The following KCNH1 variants were observed in gnomAD, a reference collection of about 807,000 sequenced individuals.
KCNH1 encodes the protein voltage-gated delayed rectifier potassium channel KCNH1.
In KCNH1, 27 loss-of-function variants were observed where a neutral mutation model predicts 69.2. The ratio of observed to expected loss-of-function variants is 0.39; its 90% CI spans 0.29 to 0.54. The LOEUF (loss-of-function observed/expected upper bound fraction) is 0.54, where lower values mean the gene tolerates loss of function less well. Ranked by LOEUF, KCNH1 falls within the 20% of genes least tolerant of loss-of-function variation. The pLI, the probability that KCNH1 is intolerant of heterozygous loss-of-function variation, is 0.68. For synonymous variants in KCNH1, 456 were observed against 487.7 expected (o/e 0.93, Z 0.86); for missense variants, 798 against 1,261.6 (o/e 0.63, Z 5.57).
At chr1:211,004,439 A>T (rs1689241785) in intron 6 of KCNH1, among the ~76,000 whole-genome samples, 2 of 152,202 alleles carry the variant, frequency 1.3e-5, no homozygotes, top group Non-Finnish European at 2.9e-5. Flanking sequence ...AAATCCTTGC[A>T]ATATCTAGGA....
chr1:211,003,710 T>C lies in KCNH1; in HGVS notation c.1032+15073A>G, dbSNP rs564878353. On this transcript the variant is annotated intron_variant, in intron 6 of 10. Coordinates refer to ENST00000271751, the MANE Select transcript of KCNH1 (RefSeq NM_172362.3). ...TCTTAAAAGCACCAGAGAAAAAGAATTCCTACGATGGACAACAATTAAACT... is the reference window on the plus strand; with the variant it reads ...TCTTAAAAGCACCAGAGAAAAAGAACTCCTACGATGGACAACAATTAAACT... 2.0e-5 allele frequency among the ~76,000 whole-genome samples: 3 copies of C among 152,266 alleles called. No individual in the cohort carries two copies. The East Asian group carries it at 5.8e-4, about 29-fold the overall frequency.
chr1:210,874,125 GAA>G, intron 7 of KCNH1, among the ~76,000 whole-genome samples: 1 of 151,238 alleles, frequency 6.6e-6, no homozygotes, highest in East Asian at 1.9e-4. Context: ...AGGAGTCAAA[GAA>G]AAAAAAAGTC....
chr1:210,817,811 C>A (rs1429243429), intron 7 of KCNH1, among the ~76,000 whole-genome samples: 1 of 152,170 alleles, frequency 6.6e-6, no homozygotes, highest in Non-Finnish European at 1.5e-5. Flanking sequence ...AGTTTGGATA[C>A]AAAATCTATG....
chr1:211,056,839 C>T (rs1382829374), intron 5 of KCNH1, among the ~76,000 whole-genome samples: 5 of 152,208 alleles, frequency 3.3e-5, no homozygotes, highest in Non-Finnish European at 1.5e-5. Flanking sequence ...TTGGGGTGTG[C>T]CCTTATGCAG....
chr1:210,693,736 A>C (rs1168494111), intron 10 of KCNH1, among the ~76,000 whole-genome samples: 1 of 152,112 alleles, frequency 6.6e-6, no homozygotes, highest in African/African-American at 2.4e-5. Context: ...GAGGGTCCCC[A>C]CCTATACTGG....
At chr1:210,906,476 G>T (rs542554275) in intron 7 of KCNH1, among the ~76,000 whole-genome samples, 4 of 152,188 alleles carry the variant, frequency 2.6e-5, no homozygotes, top group Non-Finnish European at 1.5e-5. Context: ...ATCAAGTACT[G>T]GAGAGAAGTG....
intron 1 of KCNH1, 110 bp from the exon 2 acceptor site, chr1:211,107,487 C>T: frequency 9.2e-7 from 1 of 1,090,218 alleles, no homozygotes; most frequent in South Asian, 1.6e-5. Flanking sequence ...TGATTCCCTC[C>T]AAAACATAGA....
intron 9 of KCNH1, among the ~76,000 whole-genome samples, chr1:210,794,539 G>C (rs1684269795): frequency 6.6e-6 from 1 of 152,154 alleles, no homozygotes; most frequent in Non-Finnish European, 1.5e-5. Context: ...TCAAGCCCTG[G>C]TTTCTTCCTC....
At chr1:210,991,582 C>T (rs1174185282) in intron 6 of KCNH1, among the ~76,000 whole-genome samples, 1 of 147,212 alleles carries the variant, frequency 6.8e-6, no homozygotes, top group South Asian at 2.2e-4. Flanking sequence ...CTCAAAATTG[C>T]CAGAAGGTTT....
rs186774591 is a variant in KCNH1, at chr1:210,976,191, G to A, written c.1032+42592C>T. Among the ~76,000 whole-genome samples the A allele has an allele frequency of 2.7e-4, 41 of 152,272 alleles. No homozygotes were observed. In the East Asian group the frequency reaches 7.7e-3, roughly 29 times the overall value. ...TTCAACCATTGTGGAAGACAGTGTG[G>A]TGATTCCTCAAGGATCTAGAACTAG... On this transcript the variant is annotated intron_variant, in intron 6 of 10. Transcript: ENST00000271751.
At chr1:211,128,972 G>A (rs939108769) in intron 1 of KCNH1, among the ~76,000 whole-genome samples, 1 of 152,188 alleles carries the variant, frequency 6.6e-6, no homozygotes, top group African/African-American at 2.4e-5. Flanking sequence ...TATTCCTCAC[G>A]AGAAAGTGAG....
At chr1:210,832,921 T>TATATATATATATATATATATATAC (rs10693882) in intron 7 of KCNH1, among the ~76,000 whole-genome samples, 2 of 144,226 alleles carry the variant, frequency 1.4e-5, no homozygotes, top group Non-Finnish European at 3.1e-5. Context: ...TATATATATA[T>TATATATATATATATATATATATAC]ACATATAAAT....
intron 6 of KCNH1, among the ~76,000 whole-genome samples, chr1:210,940,980 G>C (rs1283887128): frequency 1.3e-5 from 2 of 152,192 alleles, no homozygotes; most frequent in East Asian, 3.8e-4. Flanking sequence ...AGGGTCTGGT[G>C]GGGGTGAAAA....
intron 3 of KCNH1, among the ~76,000 whole-genome samples, chr1:211,100,024 C>T (rs1248635891): frequency 6.6e-6 from 1 of 152,154 alleles, no homozygotes; most frequent in Non-Finnish European, 1.5e-5. Context: ...TAGCTGGAGC[C>T]ATATTTCTTT....
At position 210,913,697 on chromosome 1, in the gene KCNH1, C is replaced by T. The variant is rs17017044; in HGVS notation, c.1462+5943G>A. Among the ~76,000 whole-genome samples, 173 of 152,286 alleles carry T rather than the reference C, an allele frequency of 1.1e-3. 3 individuals carry two copies. The East Asian group carries it at 0.027, about 24-fold the overall frequency. On this transcript the variant is annotated intron_variant, in intron 7 of 10. Coordinates refer to ENST00000271751, the MANE Select transcript of KCNH1 (RefSeq NM_172362.3). ...ACTAATGTTTCCTAGTATCAACTGA[C>T]GGAATAAGACTATGGGGAGAAGAAG...
intron 10 of KCNH1, among the ~76,000 whole-genome samples, chr1:210,717,097 G>A (rs1232944921): frequency 2.0e-5 from 3 of 152,002 alleles, no homozygotes; most frequent in African/African-American, 7.3e-5. Context: ...GCCCTTCTTT[G>A]CCTCCCAGGA....
intron 4 of KCNH1, among the ~76,000 whole-genome samples, chr1:211,089,636 T>C (rs1279748534): frequency 6.6e-6 from 1 of 152,218 alleles, no homozygotes; most frequent in Non-Finnish European, 1.5e-5. Context: ...AAAAATAATA[T>C]GTCTCAGTTT....
rs528593578 is a variant in KCNH1, at chr1:211,074,218, G to A, written c.558+8562C>T. ...AGTAAGTAAACTGTATGTTACATTA[G>A]AAGGTATCAAGTGGAAGAAAACATA... On this transcript the variant is annotated intron_variant, in intron 5 of 10. Transcript: ENST00000271751. 6.8e-4 allele frequency among the ~76,000 whole-genome samples: 102 copies of A among 150,972 alleles called. 1 individual carries two copies. Among genetic ancestry groups the A allele is most frequent in the Middle Eastern group, 3.4e-3 (1 of 294 alleles).
chr1:210,707,913 G>A (rs997132986), intron 10 of KCNH1, among the ~76,000 whole-genome samples: 1 of 152,180 alleles, frequency 6.6e-6, no homozygotes, highest in African/African-American at 2.4e-5. Flanking sequence ...AACGGCAAAT[G>A]AGGTCTTCTT....
Sources: gnomAD v4.1 joint callset for allele counts (sites outside exome capture counted in the v4.1 genomes callset) on GRCh38, gnomAD v4.1.1 for gene constraint, MANE v1.5 for transcripts, NCBI Gene and HGNC (gene_info 2026-07-23, HGNC 2026-07-21) for gene names.